The following FOXO3 variants were observed in gnomAD, a reference collection of about 807,000 sequenced individuals.
FOXO3 encodes forkhead box protein O3.
A neutral mutation model predicts 41.9 loss-of-function variants in FOXO3; 4 were observed. The ratio of observed to expected loss-of-function variants is 0.10; its 90% confidence interval spans 0.05 to 0.22. The LOEUF (loss-of-function observed/expected upper bound fraction) is 0.22. FOXO3 is among the 10% of genes least tolerant of loss of function. FOXO3 has a pLI of 1.00. For missense variants in FOXO3, 534 were observed against 906.8 expected, an observed-to-expected ratio of 0.59 and a Z score of 5.28; for synonymous variants, 318 against 389.3, an observed-to-expected ratio of 0.82 and a Z score of 2.16.
intron 1 of FOXO3, among the ~76,000 whole-genome samples, chr6:108,649,568 A>G (rs868500312): frequency 8.2e-6 from 1 of 121,230 alleles, no homozygotes; most frequent in African/African-American, 3.3e-5. Context: ...TGTGTTGCCC[A>G]AGCTGGAATG....
chr6:108,596,206 G>C (rs543804388), intron 1 of FOXO3, among the ~76,000 whole-genome samples: 1 of 151,622 alleles, frequency 6.6e-6, no homozygotes, highest in African/African-American at 2.4e-5. Context: ...TACTATTTTT[G>C]TTATTGTTTC....
rs532456866 is a variant in FOXO3, at chr6:108,640,220, G to T, written c.622-23235G>T. 2.0e-5 allele frequency among the ~76,000 whole-genome samples: 3 copies of T among 152,326 alleles called. No individual in the cohort carries two copies. The South Asian group carries it at 6.2e-4, about 32-fold the overall frequency. ...CCTTTCATTGGATAAGAAAGGTAGG[G>T]ATGATATTGTGTGATAATAAGAGGG... On this transcript the variant is annotated intron_variant, in intron 1 of 2. Coordinates refer to ENST00000406360, the MANE Select transcript of FOXO3 (RefSeq NM_001455.4).
intron 1 of FOXO3, among the ~76,000 whole-genome samples, chr6:108,564,836 A>T (rs1775911973): frequency 6.6e-6 from 1 of 151,432 alleles, no homozygotes; most frequent in African/African-American, 2.4e-5. Flanking sequence ...TATAGTTAGG[A>T]TGAAGTTTTC....
At chr6:108,670,172 T>A (rs1448219469) in intron 2 of FOXO3, among the ~76,000 whole-genome samples, 1 of 152,082 alleles carries the variant, frequency 6.6e-6, no homozygotes, top group Non-Finnish European at 1.5e-5. Flanking sequence ...AGTGGGAGAA[T>A]GTTTGCTGAC....
chr6:108,568,884 T>C (rs1776016743), intron 1 of FOXO3, among the ~76,000 whole-genome samples: 1 of 152,210 alleles, frequency 6.6e-6, no homozygotes, highest in Admixed American at 6.5e-5. Context: ...CCATCACTAC[T>C]TACCACAGAA....
At chr6:108,595,295 G>T (rs181763960) in intron 1 of FOXO3, among the ~76,000 whole-genome samples, 1 of 152,288 alleles carries the variant, frequency 6.6e-6, no homozygotes, top group African/African-American at 2.4e-5. Context: ...TACTTCTGAA[G>T]GAGGAGGTAG....
intron 1 of FOXO3, among the ~76,000 whole-genome samples, chr6:108,656,048 G>T (rs1401047070): frequency 6.6e-6 from 1 of 151,926 alleles, no homozygotes; most frequent in Non-Finnish European, 1.5e-5. Flanking sequence ...TCGGCCTGGT[G>T]GGAAGTAGTG....
Position 108,674,605 on chromosome 6 carries a change from T to A in FOXO3, c.*35-5222T>A, listed in dbSNP as rs540444154. 3.9e-5 allele frequency among the ~76,000 whole-genome samples: 6 copies of A among 152,212 alleles called. No homozygotes were observed. The South Asian group carries it at 1.2e-3, about 32-fold the overall frequency. ...CTTAAGAATTGAGTCAAGGATAGCG[T>A]AGGGAAGGTGGGGCTGCAGGAGCCA... is the stretch of plus-strand genomic sequence containing the variant. On this transcript the variant is annotated intron_variant, in intron 2 of 2. Coordinates refer to ENST00000406360, the MANE Select transcript of FOXO3 (RefSeq NM_001455.4).
chr6:108,624,394 G>A (rs1777755152), intron 1 of FOXO3, among the ~76,000 whole-genome samples: 1 of 152,016 alleles, frequency 6.6e-6, no homozygotes, highest in Non-Finnish European at 1.5e-5. Context: ...AGAGGATCAG[G>A]TTTTATAATT....
At chr6:108,575,438 G>A (rs1468789998) in intron 1 of FOXO3, among the ~76,000 whole-genome samples, 2 of 150,144 alleles carry the variant, frequency 1.3e-5, no homozygotes, top group Non-Finnish European at 3.0e-5. Flanking sequence ...TTCTGATACT[G>A]TGATGGTTTC....
At chr6:108,630,868 T>C (rs2128375890) in intron 1 of FOXO3, among the ~76,000 whole-genome samples, 1 of 152,350 alleles carries the variant, frequency 6.6e-6, no homozygotes, top group African/African-American at 2.4e-5. Context: ...AGGGTTGTTG[T>C]ACTCCTTCTC....
At chr6:108,611,568 AGTGGT>A (rs1777365352) in intron 1 of FOXO3, among the ~76,000 whole-genome samples, 1 of 152,196 alleles carries the variant, frequency 6.6e-6, no homozygotes, top group Non-Finnish European at 1.5e-5. Context: ...TGTATAATGT[AGTGGT>A]AGATACCTCA....
chr6:108,630,648 G>A (rs1777944042), intron 1 of FOXO3, among the ~76,000 whole-genome samples: 1 of 152,116 alleles, frequency 6.6e-6, no homozygotes, highest in Non-Finnish European at 1.5e-5. Flanking sequence ...TGTCCTTGTT[G>A]AGTCATTTAG....
chr6:108,646,609 GA>G (rs1252504839), intron 1 of FOXO3, among the ~76,000 whole-genome samples: 5 of 152,162 alleles, frequency 3.3e-5, no homozygotes, highest in Non-Finnish European at 4.4e-5. Context: ...AAATGCTTCT[GA>G]AGTTTAAGGC....
chr6:108,639,588 A>G (rs969089771), intron 1 of FOXO3: 12 of 985,180 alleles, frequency 1.2e-5, no homozygotes, highest in Non-Finnish European at 1.2e-6. Context: ...GAGCAAGTGG[A>G]GGTGGACCCT....
chr6:108,588,027 G>T (rs148577716), intron 1 of FOXO3, among the ~76,000 whole-genome samples: 2 of 152,272 alleles, frequency 1.3e-5, no homozygotes, highest in South Asian at 2.1e-4. Context: ...CAAAAGGAAC[G>T]TGCTTCCTAA....
chr6:108,597,204 G>C (rs977978760), intron 1 of FOXO3, among the ~76,000 whole-genome samples: 1 of 152,204 alleles, frequency 6.6e-6, no homozygotes, highest in East Asian at 1.9e-4. Context: ...GGTTGTATAA[G>C]TTGTTTCCAT....
chr6:108,636,464 T>G (rs1304024597), intron 1 of FOXO3, among the ~76,000 whole-genome samples: 2 of 151,936 alleles, frequency 1.3e-5, no homozygotes, highest in African/African-American at 2.4e-5. Context: ...AAACCCTGTG[T>G]GTTGAGCCCA....
At chr6:108,627,794 G>A (rs1057289982) in intron 1 of FOXO3, among the ~76,000 whole-genome samples, 2 of 152,106 alleles carry the variant, frequency 1.3e-5, no homozygotes, top group African/African-American at 4.8e-5. Context: ...CCTAGGCTGC[G>A]GGTTGGACAA....
Sources: allele counts gnomAD v4.1 joint callset (sites outside exome capture counted in the v4.1 genomes callset), GRCh38; gene constraint gnomAD v4.1.1; transcripts MANE v1.5; gene names NCBI Gene and HGNC (gene_info 2026-07-23, HGNC 2026-07-21).